Variants in HPSE observed in about 807,000 individuals in gnomAD.
HPSE encodes the protein heparanase.
Under a neutral mutation model 65.1 loss-of-function variants are expected in HPSE, and 48 were observed. That is an observed-to-expected ratio of 0.74 (90% confidence interval 0.58 to 0.94). The LOEUF (loss-of-function observed/expected upper bound fraction) is 0.94, where lower values mean the gene tolerates loss of function less well. Ranked by LOEUF, HPSE falls within the 40% of genes least tolerant of loss-of-function variation. The pLI is 0.00. For synonymous variants in HPSE, 243 were observed against 260.0 expected (o/e 0.93, Z 0.63); for missense variants, 644 against 637.5 (o/e 1.01, Z -0.11).
intron 2 of HPSE, 48 bp from the exon 3 acceptor site, chr4:83,319,517 G>C (rs1222056232): frequency 6.3e-7 from 1 of 1,577,642 alleles, no homozygotes; most frequent in Admixed American, 1.7e-5. Context: ...ACAGTGAGCA[G>C]ACTGAAATCG....
chr4:83,311,248 T>A (rs1429366087), intron 4 of HPSE, among the ~76,000 whole-genome samples: 1 of 152,100 alleles, frequency 6.6e-6, no homozygotes, highest in Non-Finnish European at 1.5e-5. Context: ...GAGGCCATAG[T>A]GAGCCATGAT....
intron 1 of HPSE, among the ~76,000 whole-genome samples, chr4:83,329,586 A>G (rs1454095772): frequency 1.3e-5 from 2 of 152,122 alleles, no homozygotes; most frequent in African/African-American, 4.8e-5. Context: ...GCTTTTTAGT[A>G]TTTGCCAATT....
intron 1 of HPSE, among the ~76,000 whole-genome samples, chr4:83,325,232 C>T (rs188802521): frequency 9.9e-4 from 150 of 151,212 alleles, no homozygotes; most frequent in African/African-American, 3.5e-3. Context: ...GTGGCATGAT[C>T]TCGGCTCACT....
chr4:83,331,494 AT>A (rs1214368460), intron 1 of HPSE, among the ~76,000 whole-genome samples: 8 of 152,170 alleles, frequency 5.3e-5, no homozygotes, highest in Admixed American at 5.2e-4. Context: ...GACAGTGTTG[AT>A]TTAGGGCTGG....
At chr4:83,320,737 A>C (rs1457265342) in intron 2 of HPSE, among the ~76,000 whole-genome samples, 1 of 152,150 alleles carries the variant, frequency 6.6e-6, no homozygotes, top group Non-Finnish European at 1.5e-5. Flanking sequence ...TGCCTCATCC[A>C]TCCCTGGGCT....
rs78512505 is a variant in HPSE, at chr4:83,308,886, G to A, written c.1050C>T (p.Gly350=). The A allele has an allele frequency of 5.5e-4, 894 of 1,614,102 alleles. 7 individuals are homozygous for A. In the East Asian group the frequency reaches 0.017, roughly 31 times the overall value. ...WLGETSSAYG[G]GAPLLSDTFA... ...AGGTGTCGGATAGCAAGGGCGCTCC[G>A]CCTCCATATGCAGAGCTTGTTTCTC... is the stretch of plus-strand genomic sequence containing the variant. The change falls in exon 8 of 12, where the codon GGC becomes GGT. Residue 350 remains glycine (G), a synonymous_variant. Transcript: ENST00000311412.
chr4:83,299,454 T>C lies in HPSE; in HGVS notation c.1472+1506A>G, dbSNP rs183942341. Reference sequence around the variant, plus strand: ...GCTCTTGGGAAGACTTCTGGATCTCTCCCCTGACCCTGCCTTTTTCCTATT... The same window carrying C: ...GCTCTTGGGAAGACTTCTGGATCTCCCCCCTGACCCTGCCTTTTTCCTATT... On this transcript the variant is annotated intron_variant, in intron 11 of 11. Coordinates refer to ENST00000311412, the MANE Select transcript of HPSE (RefSeq NM_001098540.3). Among the ~76,000 whole-genome samples, 975 of 149,874 alleles carry C rather than the reference T, an allele frequency of 6.5e-3. 8 individuals carry two copies. The highest frequency in any genetic ancestry group is 0.031 in the Middle Eastern group (9 of 286).
chr4:83,314,027 C>T (rs1042876712), intron 3 of HPSE, among the ~76,000 whole-genome samples: 2 of 151,902 alleles, frequency 1.3e-5, no homozygotes, highest in East Asian at 1.9e-4. Context: ...CCGAGGCGGG[C>T]GGATCACTTG....
chr4:83,305,431 C>T (rs1736114175), intron 9 of HPSE, among the ~76,000 whole-genome samples: 1 of 152,160 alleles, frequency 6.6e-6, no homozygotes, highest in East Asian at 1.9e-4. Flanking sequence ...GGAAGTCTAT[C>T]CACAAACCAC....
chr4:83,334,934 C>T (rs1223127420), upstream of HPSE: 2 of 1,255,710 alleles, frequency 1.6e-6, no homozygotes, highest in African/African-American at 3.1e-5. Context: ...CTCCATCCCT[C>T]CCACTCCTCT....
intron 9 of HPSE, 69 bp downstream of exon 9, chr4:83,306,134 G>T: frequency 2.3e-6 from 2 of 885,532 alleles, no homozygotes; most frequent in Non-Finnish European, 1.9e-6. Context: ...TTCATAGGAG[G>T]TTAACACCAG....
chr4:83,318,278 C>T (rs1022185513), intron 3 of HPSE, among the ~76,000 whole-genome samples: 2 of 152,146 alleles, frequency 1.3e-5, no homozygotes, highest in East Asian at 1.9e-4. Context: ...GGAACATCAT[C>T]CCTCAGTGGG....
intron 11 of HPSE, among the ~76,000 whole-genome samples, chr4:83,299,295 C>T (rs1314045580): frequency 3.0e-5 from 4 of 132,840 alleles, no homozygotes; most frequent in East Asian, 2.3e-4. Context: ...ACCCAGGAGG[C>T]GGAGGTTGCA....
At chr4:83,315,603 A>G (rs891752580) in intron 3 of HPSE, among the ~76,000 whole-genome samples, 5 of 152,220 alleles carry the variant, frequency 3.3e-5, no homozygotes, top group African/African-American at 1.2e-4. Context: ...ATCAGAAATC[A>G]TAAGACTTGA....
At chr4:83,300,593 TC>T (rs1735905195) in intron 11 of HPSE, among the ~76,000 whole-genome samples, 1 of 85,450 alleles carries the variant, frequency 1.2e-5, no homozygotes. Flanking sequence ...GGCGGGCAGA[TC>T]ACGAGGTCAG....
intron 1 of HPSE, among the ~76,000 whole-genome samples, chr4:83,328,108 C>G (rs1390407904): frequency 1.3e-5 from 2 of 152,208 alleles, no homozygotes; most frequent in Non-Finnish European, 2.9e-5. Context: ...TGCCAAATGC[C>G]TCCAAGAGAC....
chr4:83,308,150 G>A (rs752195392), intron 8 of HPSE, among the ~76,000 whole-genome samples: 2 of 150,208 alleles, frequency 1.3e-5, no homozygotes, highest in South Asian at 2.1e-4. Context: ...GCTCATGTCC[G>A]TAATCCCAGC....
intron 8 of HPSE, among the ~76,000 whole-genome samples, chr4:83,308,574 G>C (rs887704843): frequency 6.6e-6 from 1 of 152,194 alleles, no homozygotes; most frequent in East Asian, 1.9e-4. Context: ...TACTTCTTTA[G>C]AGTAAGGACT....
At chr4:83,310,100 C>A in intron 5 of HPSE, 22 bp from the exon 6 acceptor site, 1 of 1,561,080 alleles carries the variant, frequency 6.4e-7, no homozygotes, top group South Asian at 1.1e-5. Flanking sequence ...ATTTTATTAT[C>A]ACTCAGTCAT....
Sources: gnomAD v4.1 joint callset for allele counts (sites outside exome capture counted in the v4.1 genomes callset) on GRCh38, gnomAD v4.1.1 for gene constraint, MANE v1.5 for transcripts, NCBI Gene and HGNC (gene_info 2026-07-23, HGNC 2026-07-21) for gene names.